GSG1L: variants seen among roughly 807,000 people sequenced by gnomAD.
The protein encoded by GSG1L is germ cell-specific gene 1-like protein.
In GSG1L, 24 loss-of-function variants were observed where a neutral mutation model predicts 42.1. The ratio of observed to expected loss-of-function variants is 0.57; its 90% confidence interval spans 0.41 to 0.80. The LOEUF (loss-of-function observed/expected upper bound fraction) is 0.80. Ranked by LOEUF, GSG1L falls within the 30% of genes least tolerant of loss-of-function variation. The pLI is 0.00. For synonymous variants in GSG1L, 215 were observed against 203.5 expected, an observed-to-expected ratio of 1.06 and a Z score of -0.48; for missense variants, 445 against 472.2, an observed-to-expected ratio of 0.94 and a Z score of 0.53.
intron 1 of GSG1L, among the ~76,000 whole-genome samples, chr16:28,053,726 C>T (rs541136357): frequency 1.3e-5 from 2 of 152,306 alleles, no homozygotes; most frequent in Non-Finnish European, 2.9e-5. Context: ...TGCACGTGCA[C>T]ATGTGTGTGT....
rs149281139 is a variant in GSG1L at position 27,968,531 on chromosome 16, G to A, written c.350-5328C>T. On this transcript the variant is annotated intron_variant, in intron 1 of 6. Coordinates refer to ENST00000447459, the MANE Select transcript of GSG1L (RefSeq NM_001109763.2). ...CTCCCAAAGTGCTGGGATTAGAAGCGTGATCTACCACGCCCGGCCCTAAAA... is the reference window on the plus strand; with the variant it reads ...CTCCCAAAGTGCTGGGATTAGAAGCATGATCTACCACGCCCGGCCCTAAAA... Among the ~76,000 whole-genome samples the A allele has an allele frequency of 1.2e-3, 182 of 152,254 alleles. 1 individual carries two copies. The highest frequency in any genetic ancestry group is 3.8e-3 in the African/African-American group (157 of 41,544).
At chr16:27,975,330 G>T (rs1451238843) in intron 1 of GSG1L, among the ~76,000 whole-genome samples, 2 of 151,918 alleles carry the variant, frequency 1.3e-5, no homozygotes, top group Non-Finnish European at 2.9e-5. Context: ...CACCGAGAAG[G>T]GCAGGGAATG....
chr16:27,866,987 G>T (rs990328331), intron 3 of GSG1L, among the ~76,000 whole-genome samples: 1 of 152,182 alleles, frequency 6.6e-6, no homozygotes, highest in Non-Finnish European at 1.5e-5. Context: ...CTGGCCCGGG[G>T]GCAGAGGAGA....
chr16:27,873,736 A>G (rs2083852098), intron 3 of GSG1L, among the ~76,000 whole-genome samples: 1 of 152,206 alleles, frequency 6.6e-6, no homozygotes, highest in African/African-American at 2.4e-5. Context: ...TTGCTTGCAC[A>G]CCTGGGCTCA....
At chr16:28,049,448 A>C in intron 1 of GSG1L, among the ~76,000 whole-genome samples, 1 of 152,102 alleles carries the variant, frequency 6.6e-6, no homozygotes, top group East Asian at 1.9e-4. Context: ...TGGGAGGCCA[A>C]GGCAGGAGGA....
intron 2 of GSG1L, among the ~76,000 whole-genome samples, chr16:27,888,497 T>TC (rs2084074061): frequency 9.0e-5 from 1 of 11,084 alleles, no homozygotes; most frequent in African/African-American, 2.8e-4. Flanking sequence ...CTTTCTTTCT[T>TC]TCTTTCTTTC....
At chr16:27,985,857 G>A (rs1463979278) in intron 1 of GSG1L, among the ~76,000 whole-genome samples, 1 of 152,060 alleles carries the variant, frequency 6.6e-6, no homozygotes, top group African/African-American at 2.4e-5. Flanking sequence ...CCCAGTCTCA[G>A]TTATTTCATT....
intron 1 of GSG1L, among the ~76,000 whole-genome samples, chr16:28,013,645 T>G (rs183193836): frequency 2.2e-4 from 34 of 152,330 alleles, no homozygotes; most frequent in Non-Finnish European, 4.1e-4. Flanking sequence ...GATGCGAAGA[T>G]GGACCAGCCC....
intron 1 of GSG1L, among the ~76,000 whole-genome samples, chr16:28,025,944 C>T (rs1385423900): frequency 6.6e-6 from 1 of 152,218 alleles, no homozygotes; most frequent in Non-Finnish European, 1.5e-5. Context: ...TCCTTGCTAC[C>T]AGGAGAATCT....
chr16:27,924,616 T>A (rs1429109459), intron 2 of GSG1L, among the ~76,000 whole-genome samples: 1 of 152,174 alleles, frequency 6.6e-6, no homozygotes, highest in Non-Finnish European at 1.5e-5. Flanking sequence ...GTTGCCCTTG[T>A]ATCTGCAGGA....
At chr16:27,957,514 A>G (rs114386160) in intron 2 of GSG1L, among the ~76,000 whole-genome samples, 5,894 of 152,228 alleles carry the variant, frequency 0.039, 391 homozygotes, top group African/African-American at 0.13. Flanking sequence ...TGCCAGTGGT[A>G]CTCCAGTGCT....
chr16:27,920,609 G>A lies in GSG1L; in HGVS notation c.398-35971C>T, dbSNP rs112106075. 6.4e-4 allele frequency among the ~76,000 whole-genome samples: 97 copies of A among 152,338 alleles called. 1 individual carries two copies. Among genetic ancestry groups the A allele is most frequent in the African/African-American group, 2.0e-3 (82 of 41,572 alleles). ...GAAAATGCAGAGCAGCCTGAGGAGCGTGGGCCGGTCACTTGCTATAGCAGC... is the reference window on the plus strand; with the variant it reads ...GAAAATGCAGAGCAGCCTGAGGAGCATGGGCCGGTCACTTGCTATAGCAGC... On this transcript the variant is annotated intron_variant, in intron 2 of 6. Transcript: ENST00000447459.
At position 27,811,026 on chromosome 16, in the gene GSG1L, C is replaced by T. The variant is rs149422042; in HGVS notation, c.831-3472G>A. 7.8e-4 allele frequency among the ~76,000 whole-genome samples: 118 copies of T among 151,038 alleles called. 1 individual carries two copies. The highest frequency in any genetic ancestry group is 2.7e-3 in the African/African-American group (110 of 40,760). ...TAATAAAAACATCTTGGCTATTTTC[C>T]TGATAAAACAAGCTTGTTTCAAAAA... On this transcript the variant is annotated intron_variant, in intron 5 of 6. Transcript: ENST00000447459.
chr16:27,954,606 A>G (rs916364306), intron 2 of GSG1L, among the ~76,000 whole-genome samples: 1 of 152,152 alleles, frequency 6.6e-6, no homozygotes, highest in Non-Finnish European at 1.5e-5. Context: ...GTGCAAGAGA[A>G]AAAGCCTCGT....
intron 3 of GSG1L, among the ~76,000 whole-genome samples, chr16:27,860,733 G>A (rs1320292665): frequency 2.6e-5 from 4 of 152,180 alleles, no homozygotes; most frequent in African/African-American, 7.2e-5. Context: ...TGCAGGGAGG[G>A]GCTGGGAGTC....
intron 6 of GSG1L, among the ~76,000 whole-genome samples, chr16:27,797,808 A>ATCTCT (rs2082835506): frequency 7.3e-6 from 1 of 137,184 alleles, no homozygotes; most frequent in Non-Finnish European, 1.5e-5. Context: ...GGTGACAGAG[A>ATCTCT]GAGACTCCAT....
rs575509828 is a variant in GSG1L at position 27,923,046 on chromosome 16, C to T, written c.398-38408G>A. 2.6e-4 allele frequency among the ~76,000 whole-genome samples: 40 copies of T among 152,338 alleles called. 1 individual carries two copies. The highest frequency in any genetic ancestry group is 9.8e-4 in the Admixed American group (15 of 15,306). On this transcript the variant is annotated intron_variant, in intron 2 of 6. Coordinates refer to ENST00000447459, the MANE Select transcript of GSG1L (RefSeq NM_001109763.2). ...CAAGCAATCCTCCTGCCTTGACCTC[C>T]CAAAGTGTTGGGATTACAGGCGTAA...
chr16:28,051,856 G>A (rs961124382), intron 1 of GSG1L, among the ~76,000 whole-genome samples: 1 of 152,194 alleles, frequency 6.6e-6, no homozygotes, highest in African/African-American at 2.4e-5. Flanking sequence ...CCATTGGAGG[G>A]TCTGAGCAGA....
At chr16:27,837,551 TG>T (rs1349389962) in intron 4 of GSG1L, among the ~76,000 whole-genome samples, 1 of 152,070 alleles carries the variant, frequency 6.6e-6, no homozygotes, top group African/African-American at 2.4e-5. Context: ...GGGAGGGAGA[TG>T]TTCTTATTAC....
Sources: gnomAD v4.1 joint callset for allele counts (sites outside exome capture counted in the v4.1 genomes callset) on GRCh38, gnomAD v4.1.1 for gene constraint, MANE v1.5 for transcripts, NCBI Gene and HGNC (gene_info 2026-07-23, HGNC 2026-07-21) for gene names.